The following DDX10 variants were observed in gnomAD, a reference collection of about 807,000 sequenced individuals.
DDX10 encodes DEAD-box helicase 10.
A neutral mutation model predicts 104.3 loss-of-function variants in DDX10; 74 were observed. That is an observed-to-expected ratio of 0.71 (90% confidence interval 0.59 to 0.86). DDX10 has a LOEUF of 0.86. Among genes scored for constraint, DDX10 ranks in the 40% least tolerant of loss-of-function variants. The probability of loss-of-function intolerance (pLI) is 0.00; values close to 1 mark genes in which losing one functional copy is unlikely to be tolerated. For synonymous variants in DDX10, 351 were observed against 353.4 expected (o/e 0.99, Z 0.08); for missense variants, 952 against 1,040.0 (o/e 0.92, Z 1.16).
At chr11:108,746,479 C>T (rs760446050) in intron 13 of DDX10, among the ~76,000 whole-genome samples, 10 of 151,982 alleles carry the variant, frequency 6.6e-5, no homozygotes, top group Non-Finnish European at 1.5e-4. Context: ...ATCTTTTTGG[C>T]AATTGTGAAT....
intron 16 of DDX10, among the ~76,000 whole-genome samples, chr11:108,859,260 A>G (rs1028652945): frequency 1.3e-5 from 2 of 152,196 alleles, no homozygotes; most frequent in African/African-American, 4.8e-5. Flanking sequence ...TTACACTTGG[A>G]GTATTAGACC....
rs774637440 is a variant in DDX10 at position 108,675,712 on chromosome 11, G to T, written c.364G>T (p.Ala122Ser). Reference protein sequence around the residue: ...AAKTGSGKTLAFLVPVLEALY... With the variant: ...AAKTGSGKTLSFLVPVLEALY... ...CAAAACTGGATCTGGCAAGACTCTGGCTTTTCTTGTTCCAGTAAGTACATT... is the reference window on the plus strand; with the variant it reads ...CAAAACTGGATCTGGCAAGACTCTGTCTTTTCTTGTTCCAGTAAGTACATT... Residue 122 changes from alanine to serine, a missense_variant, in exon 3 of 18, where the codon GCT becomes TCT. Transcript: ENST00000322536. The T allele has an allele frequency of 6.2e-7, 1 of 1,614,118 alleles. No individual in the cohort carries two copies. Among genetic ancestry groups the T allele is most frequent in the African/African-American group, 1.3e-5 (1 of 75,042 alleles).
intron 13 of DDX10, among the ~76,000 whole-genome samples, chr11:108,807,912 G>T (rs1310499322): frequency 1.3e-5 from 2 of 152,174 alleles, no homozygotes; most frequent in Non-Finnish European, 2.9e-5. Context: ...ATAGTTACTG[G>T]CAAGGTGGAA....
At chr11:108,741,970 A>G (rs2094325748) in intron 13 of DDX10, among the ~76,000 whole-genome samples, 1 of 152,178 alleles carries the variant, frequency 6.6e-6, no homozygotes, top group Non-Finnish European at 1.5e-5. Flanking sequence ...ACACAAAAAA[A>G]CATGCAGGCT....
At chr11:108,873,991 G>A (rs1188979879) in intron 16 of DDX10, among the ~76,000 whole-genome samples, 2 of 152,110 alleles carry the variant, frequency 1.3e-5, no homozygotes, top group African/African-American at 4.8e-5. Context: ...CGCTAACCAA[G>A]TAGCTACCTA....
intron 6 of DDX10, among the ~76,000 whole-genome samples, chr11:108,680,337 C>T (rs2094233038): frequency 6.6e-6 from 1 of 152,188 alleles, no homozygotes; most frequent in Non-Finnish European, 1.5e-5. Context: ...GCTTCAGCTT[C>T]CTGAGTAGCT....
intron 17 of DDX10, among the ~76,000 whole-genome samples, chr11:108,929,196 G>A (rs542274827): frequency 3.3e-5 from 5 of 152,274 alleles, no homozygotes; most frequent in South Asian, 2.1e-4. Flanking sequence ...TAGAGCGTAC[G>A]CTCCAGCAAG....
chr11:108,819,899 C>A (rs1412913542), intron 13 of DDX10, among the ~76,000 whole-genome samples: 1 of 152,146 alleles, frequency 6.6e-6, no homozygotes, highest in African/African-American at 2.4e-5. Flanking sequence ...CGCGCCCAGC[C>A]CCATACGCCT....
chr11:108,683,285 GT>G (rs1295344849), intron 6 of DDX10, among the ~76,000 whole-genome samples: 1 of 152,158 alleles, frequency 6.6e-6, no homozygotes, highest in Admixed American at 6.5e-5. Context: ...TGTGTGCTCT[GT>G]TTAGGGGTTG....
intron 13 of DDX10, among the ~76,000 whole-genome samples, chr11:108,803,259 A>T (rs1338463959): frequency 4.8e-5 from 7 of 146,844 alleles, no homozygotes; most frequent in Non-Finnish European, 7.5e-5. Flanking sequence ...CCTAGTAGCA[A>T]TTTTTTTTTT....
rs1565243022 is a variant in DDX10 at position 108,677,228 on chromosome 11, C to T, written c.522C>T (p.Leu174=). ...AGAATCATGACTTCTCAGCTGGTCT[C>T]ATCATTGGTGGAAAGGTTTGTCCTT... ...VGKNHDFSAG[L]IIGGKDLKHE... is the part of the protein sequence containing the mutation. The change falls in exon 4 of 18, where the codon CTC becomes CTT. Residue 174 remains leucine (L), a synonymous_variant. Transcript: ENST00000322536. The T allele has an allele frequency of 6.2e-7, 1 of 1,613,362 alleles. No homozygotes were observed. Among genetic ancestry groups the T allele is most frequent in the Non-Finnish European group, 8.5e-7 (1 of 1,179,504 alleles).
chr11:108,735,894 C>T (rs548018219), intron 13 of DDX10, among the ~76,000 whole-genome samples: 1 of 152,140 alleles, frequency 6.6e-6, no homozygotes, highest in East Asian at 1.9e-4. Flanking sequence ...TAAGTGGGAA[C>T]AGGGATGTCT....
At chr11:108,753,400 C>G (rs943751060) in intron 13 of DDX10, among the ~76,000 whole-genome samples, 3 of 151,928 alleles carry the variant, frequency 2.0e-5, no homozygotes, top group African/African-American at 7.2e-5. Context: ...TCATCCATTC[C>G]AATGTAGATA....
rs925466261 is a variant in DDX10 at position 108,723,598 on chromosome 11, C to T, written c.1965+136C>T. ...CTTTGCAATGAACTCTTCCTCCTTT[C>T]CCCCATACTTAAACACAGAATAAGT... is the stretch of plus-strand genomic sequence containing the variant. On this transcript the variant is annotated intron_variant, in intron 13 of 17. Transcript: ENST00000322536. 6 of 823,442 alleles carry T rather than the reference C, an allele frequency of 7.3e-6. No individual in the cohort carries two copies. The African/African-American group carries it at 1.0e-4, about 14-fold the overall frequency. The allele number at this position is 823,442 out of a possible 1,614,324, so 51.0% of individuals were successfully genotyped here. A position where few individuals can be genotyped will look rare whatever the true frequency, so the allele number is the denominator to read the frequency against.
chr11:108,838,665 T>A, intron 14 of DDX10, 100 bp downstream of exon 14: 8 of 1,314,422 alleles, frequency 6.1e-6, no homozygotes, highest in Non-Finnish European at 8.2e-6. Context: ...AGTAAATGTT[T>A]CTCTACAGCA....
intron 10 of DDX10, among the ~76,000 whole-genome samples, chr11:108,712,375 T>C (rs1373859180): frequency 4.6e-5 from 7 of 152,200 alleles, no homozygotes; most frequent in African/African-American, 1.7e-4. Flanking sequence ...TATTCTTACT[T>C]TTGTCTCCTC....
intron 13 of DDX10, among the ~76,000 whole-genome samples, chr11:108,813,729 C>A (rs936388583): frequency 1.3e-5 from 2 of 152,098 alleles, no homozygotes; most frequent in African/African-American, 2.4e-5. Flanking sequence ...GCTTTTGATT[C>A]ATTTGGAATT....
At chr11:108,673,816 G>A (rs1591787229) in intron 2 of DDX10, among the ~76,000 whole-genome samples, 1 of 152,144 alleles carries the variant, frequency 6.6e-6, no homozygotes, top group Admixed American at 6.5e-5. Context: ...CTTTGTATCT[G>A]TTTGCTAGGG....
At chr11:108,817,541 A>G (rs1261507865) in intron 13 of DDX10, among the ~76,000 whole-genome samples, 1 of 152,142 alleles carries the variant, frequency 6.6e-6, no homozygotes, top group Admixed American at 6.5e-5. Context: ...TGTCTCTAAC[A>G]CTTAAAAACT....
Sources: gnomAD v4.1 joint callset for allele counts (sites outside exome capture counted in the v4.1 genomes callset) on GRCh38, gnomAD v4.1.1 for gene constraint, MANE v1.5 for transcripts, NCBI Gene and HGNC (gene_info 2026-07-23, HGNC 2026-07-21) for gene names.